The following CHL1 variants were observed in gnomAD, a reference collection of about 807,000 sequenced individuals.
CHL1 encodes the protein neural cell adhesion molecule L1-like protein.
In CHL1, 96 loss-of-function variants were observed where a neutral mutation model predicts 141.9. The observed-to-expected ratio is 0.68, with a 90% CI of 0.57 to 0.80. CHL1 has a LOEUF of 0.80. CHL1 is among the 30% of genes least tolerant of loss of function. CHL1 has a pLI of 0.00. For synonymous variants in CHL1, 613 were observed against 502.2 expected (o/e 1.22, Z -2.95); for missense variants, 1,820 against 1,457.2 (o/e 1.25, Z -4.05).
At chr3:251,078 T>C (rs1370591386) in intron 2 of CHL1, among the ~76,000 whole-genome samples, 1 of 152,134 alleles carries the variant, frequency 6.6e-6, no homozygotes, top group Non-Finnish European at 1.5e-5. Context: ...AGCGCCAGAA[T>C]ATGGTGATTT....
At chr3:341,327 T>C (rs1051507045) in intron 6 of CHL1, among the ~76,000 whole-genome samples, 1 of 152,188 alleles carries the variant, frequency 6.6e-6, no homozygotes, top group Non-Finnish European at 1.5e-5. Context: ...AGCAGTGATC[T>C]CTACATGTTT....
intron 1 of CHL1, among the ~76,000 whole-genome samples, chr3:222,654 TAG>T (rs1455149827): frequency 3.9e-5 from 6 of 152,218 alleles, no homozygotes; most frequent in Non-Finnish European, 8.8e-5. Context: ...CACTATTTTG[TAG>T]AAAGGCTGTG....
At chr3:208,209 G>C (rs141260440) in intron 1 of CHL1, among the ~76,000 whole-genome samples, 10 of 152,294 alleles carry the variant, frequency 6.6e-5, no homozygotes, top group Non-Finnish European at 1.5e-4. Context: ...TATTTATAAA[G>C]TGCTTTGAAG....
At chr3:250,404 T>C (rs537756772) in intron 2 of CHL1, among the ~76,000 whole-genome samples, 17 of 152,268 alleles carry the variant, frequency 1.1e-4, no homozygotes, top group African/African-American at 3.8e-4. Flanking sequence ...AAAAGAGATT[T>C]AGGCTTCTAG....
intron 14 of CHL1, among the ~76,000 whole-genome samples, chr3:364,444 T>A (rs139874201): frequency 7.9e-5 from 12 of 152,300 alleles, no homozygotes; most frequent in African/African-American, 2.6e-4. Flanking sequence ...CAGCTAGGTG[T>A]AAGGAGCGTG....
At chr3:396,834 A>G (rs1188612510) in intron 24 of CHL1, among the ~76,000 whole-genome samples, 1 of 152,174 alleles carries the variant, frequency 6.6e-6, no homozygotes, top group African/African-American at 2.4e-5. Flanking sequence ...TTTTTCTACT[A>G]GAGTTCAACA....
chr3:329,264 T>C (rs1480935929), intron 5 of CHL1, among the ~76,000 whole-genome samples: 1 of 152,116 alleles, frequency 6.6e-6, no homozygotes, highest in African/African-American at 2.4e-5. Context: ...GGTAATTTCT[T>C]CTTTTAGAGT....
At chr3:304,871 G>A (rs578027531) in intron 2 of CHL1, among the ~76,000 whole-genome samples, 78 of 151,844 alleles carry the variant, frequency 5.1e-4, no homozygotes, top group African/African-American at 1.8e-3. Flanking sequence ...TTCTCTTGTG[G>A]GCATTTAGTG....
At chr3:352,005 G>C (rs192870109) in intron 10 of CHL1, among the ~76,000 whole-genome samples, 2 of 152,042 alleles carry the variant, frequency 1.3e-5, no homozygotes, top group African/African-American at 4.8e-5. Flanking sequence ...TTAAAAATAA[G>C]CTCCCACCAA....
intron 5 of CHL1, among the ~76,000 whole-genome samples, chr3:339,677 G>C (rs1335661445): frequency 6.6e-6 from 1 of 152,206 alleles, no homozygotes; most frequent in East Asian, 1.9e-4. Flanking sequence ...GCATCGATAA[G>C]AGAAATGTCA....
intron 1 of CHL1, among the ~76,000 whole-genome samples, chr3:207,918 G>C (rs1170226775): frequency 2.6e-5 from 4 of 152,122 alleles, no homozygotes; most frequent in Admixed American, 6.6e-5. Context: ...GAGCAATTCA[G>C]GTGCAACTCA....
chr3:401,814 C>T (rs927163068), intron 27 of CHL1, 116 bp downstream of exon 27: 2 of 596,238 alleles, frequency 3.4e-6, no homozygotes, highest in African/African-American at 3.9e-5. Context: ...TGTAATGACC[C>T]TATAAAGAAT....
At chr3:270,633 G>GAGGCCAAAAACAA (rs1695556699) in intron 2 of CHL1, among the ~76,000 whole-genome samples, 2 of 152,158 alleles carry the variant, frequency 1.3e-5, no homozygotes, top group African/African-American at 2.4e-5. Flanking sequence ...CCAAAATTTG[G>GAGGCCAAAAACAA]TGGCCAAAAA....
At chr3:377,338 G>A (rs1286911539) in intron 15 of CHL1, among the ~76,000 whole-genome samples, 1 of 152,188 alleles carries the variant, frequency 6.6e-6, no homozygotes, top group Non-Finnish European at 1.5e-5. Flanking sequence ...GCGGAGAAAA[G>A]AGAAACTTGT....
intron 2 of CHL1, among the ~76,000 whole-genome samples, chr3:292,537 A>T (rs1164830112): frequency 2.0e-5 from 3 of 152,218 alleles, no homozygotes; most frequent in Non-Finnish European, 4.4e-5. Flanking sequence ...ACACCACAGT[A>T]GGTAAATCTT....
chr3:280,212 ATTT>A (rs201114993), intron 2 of CHL1, among the ~76,000 whole-genome samples: 3 of 145,812 alleles, frequency 2.1e-5, no homozygotes, highest in African/African-American at 7.5e-5. Context: ...GAGTCTAGGC[ATTT>A]TTTTTTTTTT....
intron 1 of CHL1, among the ~76,000 whole-genome samples, chr3:203,085 C>G (rs1699095603): frequency 6.6e-6 from 1 of 152,128 alleles, no homozygotes. Context: ...TCAGAAAAAG[C>G]TTTAAAAATG....
rs146705404 is a variant in CHL1, at chr3:328,576, A to G, written c.385+222A>G. On this transcript the variant is annotated intron_variant, in intron 5 of 27. Transcript: ENST00000256509. ...ACTCTGTTTCAGTAACCTTATATCT[A>G]ACATGGAAAAATATAATATCTGCTT... is the stretch of plus-strand genomic sequence containing the variant. 4.0e-5 allele frequency: 15 copies of G among 377,442 alleles called. No homozygotes were observed. The East Asian group carries it at 6.2e-4, about 16-fold the overall frequency. The allele number at this position is 377,442 out of a possible 1,614,324, so 23.4% of individuals were successfully genotyped here. A position where few individuals can be genotyped will look rare whatever the true frequency, so the allele number is the denominator to read the frequency against.
intron 1 of CHL1, among the ~76,000 whole-genome samples, chr3:209,288 A>C (rs1413805821): frequency 6.6e-6 from 1 of 152,234 alleles, no homozygotes; most frequent in Non-Finnish European, 1.5e-5. Flanking sequence ...GGAGCAGATG[A>C]GGGAAATTTT....
Sources: gnomAD v4.1 joint callset for allele counts (sites outside exome capture counted in the v4.1 genomes callset) on GRCh38, gnomAD v4.1.1 for gene constraint, MANE v1.5 for transcripts, NCBI Gene and HGNC (gene_info 2026-07-23, HGNC 2026-07-21) for gene names.